The following TRPS1 variants were observed in gnomAD, a reference collection of about 807,000 sequenced individuals.
The protein encoded by TRPS1 is zinc finger transcription factor Trps1.
In TRPS1, 6 loss-of-function variants were observed where a neutral mutation model predicts 101.2. That is an observed-to-expected ratio of 0.06 (90% CI 0.03 to 0.12). TRPS1 has a LOEUF of 0.12. Among genes scored for constraint, TRPS1 ranks in the 10% least tolerant of loss-of-function variants. The pLI, the probability that TRPS1 is intolerant of heterozygous loss-of-function variation, is 1.00. For missense variants in TRPS1, 1,363 were observed against 1,567.0 expected (o/e 0.87, Z 2.20); for synonymous variants, 578 against 589.8 (o/e 0.98, Z 0.29).
At chr8:115,533,444 T>TTTTTTTGTTTG (rs1554583391) in intron 5 of TRPS1, among the ~76,000 whole-genome samples, 1 of 126,536 alleles carries the variant, frequency 7.9e-6, no homozygotes, top group African/African-American at 3.4e-5. Context: ...CTGTTTTTTT[T>TTTTTTTGTTTG]TTTTTTTTTT....
chr8:115,533,011 A>T (rs1816172300), intron 5 of TRPS1, among the ~76,000 whole-genome samples: 1 of 152,296 alleles, frequency 6.6e-6, no homozygotes, highest in South Asian at 2.1e-4. Flanking sequence ...AGAAAAGAGA[A>T]CACGGTCTAA....
chr8:115,493,137 C>T (rs1368603375), intron 5 of TRPS1, among the ~76,000 whole-genome samples: 1 of 152,148 alleles, frequency 6.6e-6, no homozygotes, highest in African/African-American at 2.4e-5. Context: ...AATATCCACC[C>T]CCTGGACTAT....
intron 5 of TRPS1, among the ~76,000 whole-genome samples, chr8:115,487,054 T>C (rs1814898661): frequency 6.6e-6 from 1 of 152,212 alleles, no homozygotes; most frequent in African/African-American, 2.4e-5. Flanking sequence ...GCTGAGTCTC[T>C]TTTTAAGGGC....
At chr8:115,456,030 C>T (rs551600243) in intron 5 of TRPS1, among the ~76,000 whole-genome samples, 17 of 152,114 alleles carry the variant, frequency 1.1e-4, no homozygotes, top group African/African-American at 3.6e-4. Flanking sequence ...ATGATCCGCC[C>T]GCCTAGGCCT....
intron 5 of TRPS1, among the ~76,000 whole-genome samples, chr8:115,585,620 A>C (rs1817545358): frequency 6.6e-6 from 1 of 152,186 alleles, no homozygotes; most frequent in Admixed American, 6.5e-5. Flanking sequence ...AGAAAACAAC[A>C]AATATTGACA....
At chr8:115,546,513 G>T (rs1341899474) in intron 5 of TRPS1, among the ~76,000 whole-genome samples, 1 of 149,598 alleles carries the variant, frequency 6.7e-6, no homozygotes, top group African/African-American at 2.5e-5. Context: ...AGTGTTTCAA[G>T]AAATAATATA....
intron 1 of TRPS1, among the ~76,000 whole-genome samples, chr8:115,651,587 G>T (rs1811559812): frequency 6.6e-6 from 1 of 152,206 alleles, no homozygotes; most frequent in Admixed American, 6.5e-5. Flanking sequence ...AATTACGTAT[G>T]CTCTCACTCT....
chr8:115,646,803 A>C (rs991737002), intron 1 of TRPS1, among the ~76,000 whole-genome samples: 2 of 152,172 alleles, frequency 1.3e-5, no homozygotes, highest in East Asian at 3.8e-4. Context: ...TCTCTTAAAC[A>C]TATTACTTTA....
intron 1 of TRPS1, among the ~76,000 whole-genome samples, chr8:115,654,144 CA>C (rs1811627140): frequency 6.6e-6 from 1 of 152,130 alleles, no homozygotes; most frequent in Admixed American, 6.5e-5. Flanking sequence ...TCCACTCCAA[CA>C]AAGTATGATT....
chr8:115,530,170 A>T (rs904581931), intron 5 of TRPS1, among the ~76,000 whole-genome samples: 3 of 152,158 alleles, frequency 2.0e-5, no homozygotes, highest in African/African-American at 7.2e-5. Flanking sequence ...CTGACTTTTA[A>T]TGTCATGATA....
intron 5 of TRPS1, among the ~76,000 whole-genome samples, chr8:115,557,615 T>A (rs1368005981): frequency 6.6e-6 from 1 of 152,154 alleles, no homozygotes; most frequent in East Asian, 1.9e-4. Flanking sequence ...GTGAAGGACA[T>A]GTCTGCTTCC....
intron 3 of TRPS1, among the ~76,000 whole-genome samples, chr8:115,607,051 A>T (rs1818054460): frequency 6.6e-6 from 1 of 152,026 alleles, no homozygotes; most frequent in Non-Finnish European, 1.5e-5. Flanking sequence ...CTGCTTGTTG[A>T]CCCAAGATTC....
At chr8:115,620,651 T>C (rs1818374262) in intron 2 of TRPS1, among the ~76,000 whole-genome samples, 1 of 152,222 alleles carries the variant, frequency 6.6e-6, no homozygotes, top group Admixed American at 6.5e-5. Flanking sequence ...ACAGCTATGT[T>C]ATAAACAGAG....
At chr8:115,581,495 C>T (rs1817449381) in intron 5 of TRPS1, among the ~76,000 whole-genome samples, 1 of 151,782 alleles carries the variant, frequency 6.6e-6, no homozygotes, top group Admixed American at 6.6e-5. Context: ...ATCACAACAG[C>T]ACTATGTTCC....
chr8:115,537,608 T>C (rs1197228383), intron 5 of TRPS1, among the ~76,000 whole-genome samples: 1 of 152,140 alleles, frequency 6.6e-6, no homozygotes, highest in Non-Finnish European at 1.5e-5. Context: ...GGACCCAAAT[T>C]AGTCTCCTAT....
intron 1 of TRPS1, among the ~76,000 whole-genome samples, chr8:115,634,509 C>T (rs1818722891): frequency 6.6e-6 from 1 of 152,112 alleles, no homozygotes; most frequent in Non-Finnish European, 1.5e-5. Context: ...TGCAAAACAG[C>T]ATTTCATAGT....
In TRPS1 at chr8:115,414,424, G is replaced by T; in HGVS notation, c.3484C>A (p.Leu1162Met). The T allele has an allele frequency of 6.2e-7, 1 of 1,614,036 alleles. No individual in the cohort carries two copies. Among genetic ancestry groups the T allele is most frequent in the Non-Finnish European group, 8.5e-7 (1 of 1,179,964 alleles). Reference protein sequence around the residue: ...QNYVPYPTFNLPPHFSAVGSD... With the variant: ...QNYVPYPTFNMPPHFSAVGSD... ...CCAACAGCTGAAAAATGAGGAGGCA[G>T]ATTGAAGGTGGGATAAGGCACATAG... The change falls in exon 7 of 7, where the codon CTG becomes ATG. Residue 1162 changes from leucine (L) to methionine (M), a missense_variant. By Grantham distance (15) the Leu-to-Met change is conservative. Transcript: ENST00000395715. The surrounding 1 kb of genome is among the most constrained non-coding windows in gnomAD (Gnocchi z 4.8).
chr8:115,565,061 A>G (rs1817034919), intron 5 of TRPS1, among the ~76,000 whole-genome samples: 2 of 152,102 alleles, frequency 1.3e-5, no homozygotes, highest in Admixed American at 6.6e-5. Context: ...AAAATAATAC[A>G]TAACATGTTA....
chr8:115,548,400 C>T (rs1483567964), intron 5 of TRPS1, among the ~76,000 whole-genome samples: 1 of 152,102 alleles, frequency 6.6e-6, no homozygotes, highest in East Asian at 1.9e-4. Flanking sequence ...TGTAGTGGTG[C>T]AATCCCAGCT....
Sources: gnomAD v4.1 joint callset for allele counts (sites outside exome capture counted in the v4.1 genomes callset) on GRCh38, gnomAD v4.1.1 for gene constraint, Gnocchi (gnomAD v3.1) non-coding constraint, MANE v1.5 for transcripts, NCBI Gene and HGNC (gene_info 2026-07-23, HGNC 2026-07-21) for gene names.